PGAM5: variants seen among roughly 807,000 people sequenced by gnomAD.
PGAM5 encodes the protein serine/threonine-protein phosphatase PGAM5, mitochondrial.
Under a neutral mutation model 30.6 loss-of-function variants are expected in PGAM5, and 25 were observed. That is an observed-to-expected ratio of 0.82 (90% confidence interval 0.60 to 1.14). PGAM5 has a LOEUF of 1.14. PGAM5 is among the 50% of genes most tolerant of loss of function. The pLI, the probability that PGAM5 is intolerant of heterozygous loss-of-function variation, is 0.00. For synonymous variants in PGAM5, 201 were observed against 179.1 expected (o/e 1.12, Z -0.98); for missense variants, 384 against 408.5 (o/e 0.94, Z 0.52).
Position 132,718,983 on chromosome 12 carries a change from A to C in PGAM5, c.719+863A>C, listed in dbSNP as rs2043617049. On this transcript the variant is annotated intron_variant, in intron 5 of 5. Transcript: ENST00000498926. ...TCTGGTGCCCCACTCTCAGCACCAC[A>C]GAATGATCCGGGTTCAGGTTGCGTT... 26 of 1,459,400 alleles carry C rather than the reference A, an allele frequency of 1.8e-5. 1 individual carries two copies. The South Asian group carries it at 3.5e-4, about 20-fold the overall frequency. 90.4% of individuals were successfully genotyped at this position (1,459,400 alleles called of 1,614,324 possible).
At chr12:132,720,518 G>A (rs530210913) in intron 5 of PGAM5, among the ~76,000 whole-genome samples, 160 bp from the exon 6 acceptor site, 15 of 152,010 alleles carry the variant, frequency 9.9e-5, no homozygotes, top group South Asian at 4.2e-4. Flanking sequence ...CGTGTTAGCT[G>A]GGATGGTCTC....
chr12:132,711,652 GGCGC>G (rs955559451), intron 1 of PGAM5: 5 of 152,048 alleles, frequency 3.3e-5, no homozygotes, highest in Admixed American at 3.3e-4. Context: ...CGAGCGAGGT[GGCGC>G]GCGCCTGTGG....
intron 5 of PGAM5, chr12:132,718,729 C>T (rs1322136978): frequency 5.0e-6 from 8 of 1,611,860 alleles, no homozygotes; most frequent in Middle Eastern, 1.7e-4. Context: ...CTCGACCAAC[C>T]ACCTTCTGCC....
chr12:132,720,735 C>T lies in PGAM5; in HGVS notation c.777C>T (p.Ile259=). 2 of 1,536,312 alleles carry T rather than the reference C, an allele frequency of 1.3e-6. No individual in the cohort carries two copies. The highest frequency in any genetic ancestry group is 1.7e-6 in the Non-Finnish European group (2 of 1,146,870). ...WLRLSLNNGS[I]THLVIRPNGR... ...GGCTCTCCCTCAATAATGGCAGCAT[C>T]ACCCACCTGGTGATCCGACCCAACG... is the stretch of plus-strand genomic sequence containing the variant. The change falls in exon 6 of 6, where the codon ATC becomes ATT. Residue 259 remains isoleucine, a synonymous_variant. Coordinates refer to ENST00000498926, the MANE Select transcript of PGAM5 (RefSeq NM_001170543.2).
intron 1 of PGAM5, 21 bp downstream of exon 1, chr12:132,711,088 G>A (rs953853234): frequency 8.3e-7 from 1 of 1,205,484 alleles, no homozygotes; most frequent in Non-Finnish European, 1.0e-6. Flanking sequence ...GGCTGTTTGG[G>A]GCCGGGGTCG....
chr12:132,712,251 G>A (rs1162010908), intron 1 of PGAM5, among the ~76,000 whole-genome samples: 1 of 152,068 alleles, frequency 6.6e-6, no homozygotes, highest in Non-Finnish European at 1.5e-5. Flanking sequence ...GCTTTTACCT[G>A]CTGTTCTGTT....
At chr12:132,715,228 T>C (rs1460935651) in intron 2 of PGAM5, among the ~76,000 whole-genome samples, 192 bp downstream of exon 2, 3 of 152,234 alleles carry the variant, frequency 2.0e-5, no homozygotes, top group Non-Finnish European at 2.9e-5. Context: ...TCACACATTA[T>C]TACCAGTAAC....
intron 5 of PGAM5, 62 bp downstream of exon 5, chr12:132,718,182 GA>G: frequency 6.3e-7 from 1 of 1,597,298 alleles, no homozygotes; most frequent in Non-Finnish European, 8.5e-7. Context: ...AAAGCATGAG[GA>G]AGAAGCCGAG....
rs771179757 is a variant in PGAM5, at chr12:132,718,855, G to C, written c.719+735G>C. On this transcript the variant is annotated intron_variant, in intron 5 of 5. Transcript: ENST00000498926. ...TGTGGGCGCTCCCACCCGTGTGCCA[G>C]CGTGACGGCTCGGGGTGTCCGCTCC... The C allele has an allele frequency of 3.7e-6, 6 of 1,613,036 alleles. No individual in the cohort carries two copies. In the Admixed American group the frequency reaches 5.0e-5, roughly 13 times the overall value.
chr12:132,712,640 G>C (rs1363762618), intron 1 of PGAM5, among the ~76,000 whole-genome samples: 3 of 151,908 alleles, frequency 2.0e-5, no homozygotes. Flanking sequence ...ATTTTTAGTA[G>C]AGACGGGGTT....
intron 2 of PGAM5, among the ~76,000 whole-genome samples, chr12:132,715,466 G>A (rs1239574455): frequency 1.3e-5 from 2 of 151,818 alleles, no homozygotes; most frequent in Non-Finnish European, 2.9e-5. Context: ...AGCTACTCGG[G>A]AAGCTGAGGC....
At position 132,720,668 on chromosome 12, in the gene PGAM5, C is replaced by T; in HGVS notation, c.720-10C>T. The T allele has an allele frequency of 4.6e-6, 7 of 1,534,272 alleles. No individual in the cohort carries two copies. Among genetic ancestry groups the T allele is most frequent in the Non-Finnish European group, 6.1e-6 (7 of 1,145,560 alleles). On this transcript the variant is annotated splice_polypyrimidine_tract_variant and intron_variant, in intron 5 of 5. Transcript: ENST00000498926. Reference sequence around the variant, plus strand: ...TAACGTGCTCTTTCTCTCTCTCTCTCTCTCCCCAGAGCACTGCAGTTTCCT... The same window carrying T: ...TAACGTGCTCTTTCTCTCTCTCTCTTTCTCCCCAGAGCACTGCAGTTTCCT...
chr12:132,713,497 A>G (rs2043541781), intron 1 of PGAM5, among the ~76,000 whole-genome samples: 1 of 151,992 alleles, frequency 6.6e-6, no homozygotes, highest in Non-Finnish European at 1.5e-5. Flanking sequence ...TGACTCCCCC[A>G]TACCTGCCAA....
At chr12:132,720,491 T>C (rs1374474094) in intron 5 of PGAM5, among the ~76,000 whole-genome samples, 187 bp from the exon 6 acceptor site, 1 of 152,062 alleles carries the variant, frequency 6.6e-6, no homozygotes, top group African/African-American at 2.4e-5. Context: ...GTATTTTTAG[T>C]AGAGATGGGG....
chr12:132,719,031 C>T, intron 5 of PGAM5: 1 of 1,430,958 alleles, frequency 7.0e-7, no homozygotes, highest in Non-Finnish European at 9.1e-7. Context: ...ACCCTGCAAT[C>T]AGCCACTTCT....
At position 132,715,000 on chromosome 12, in the gene PGAM5, G is replaced by A. The variant is rs756896594; in HGVS notation, c.334G>A (p.Gly112Ser). 1.9e-6 allele frequency: 3 copies of A among 1,613,152 alleles called. No individual in the cohort carries two copies. In the East Asian group the frequency reaches 6.7e-5, roughly 36 times the overall value. ...CAGGCATTCCCAGTACCACGTGGATGGCTCCCTGGAGAAGGACCGCACTCT... is the reference window on the plus strand; with the variant it reads ...CAGGCATTCCCAGTACCACGTGGATAGCTCCCTGGAGAAGGACCGCACTCT... ...LIRHSQYHVD[G>S]SLEKDRTLTP... Residue 112 changes from glycine (G) to serine (S), a missense_variant, in exon 2 of 6, where the codon GGC becomes AGC. Physicochemically the swap from Gly to Ser is moderately conservative, Grantham distance 56. Transcript: ENST00000498926.
intron 1 of PGAM5, 179 bp downstream of exon 1, chr12:132,711,246 G>A (rs896018297): frequency 2.1e-5 from 9 of 421,220 alleles, no homozygotes; most frequent in Non-Finnish European, 2.9e-5. Flanking sequence ...GGTTCCGGGG[G>A]CGGCTGACCC....
intron 3 of PGAM5, 54 bp downstream of exon 3, chr12:132,717,618 G>A (rs2043594422): frequency 6.2e-7 from 1 of 1,601,246 alleles, no homozygotes; most frequent in African/African-American, 1.3e-5. Context: ...GCTCGTGGCA[G>A]GGCCCCGGCC....
chr12:132,721,562 C>G lies in PGAM5; in HGVS notation c.*734C>G, dbSNP rs1374619619. ...TGAGCTGTGATTGTGTCACTGCACT[C>G]CAGCCTGGGCAAGCGAGGGAGACTT... On this transcript the variant is annotated 3_prime_UTR_variant, in exon 6 of 6. Coordinates refer to ENST00000498926, the MANE Select transcript of PGAM5 (RefSeq NM_001170543.2). The G allele has an allele frequency of 6.6e-6, 1 of 152,214 alleles. No individual in the cohort carries two copies. Among genetic ancestry groups the G allele is most frequent in the Non-Finnish European group, 1.5e-5 (1 of 68,058 alleles). 9.4% of individuals were successfully genotyped at this position (152,214 alleles called of 1,614,324 possible).
Sources: allele counts gnomAD v4.1 joint callset (sites outside exome capture counted in the v4.1 genomes callset), GRCh38; gene constraint gnomAD v4.1.1; transcripts MANE v1.5; gene names NCBI Gene and HGNC (gene_info 2026-07-23, HGNC 2026-07-21).